RORA: variants seen among roughly 807,000 people sequenced by gnomAD.
The protein encoded by RORA is RAR related orphan receptor A, also known as nuclear receptor ROR-alpha.
RORA carries 7 observed loss-of-function variants against 69.5 expected under a neutral mutation model. The observed-to-expected ratio is 0.10, with a 90% CI of 0.06 to 0.19. The LOEUF (loss-of-function observed/expected upper bound fraction) is 0.19. Among genes scored for constraint, RORA ranks in the 10% least tolerant of loss-of-function variants. The pLI is 1.00. For missense variants in RORA, 457 were observed against 663.0 expected, an observed-to-expected ratio of 0.69 and a Z score of 3.41; for synonymous variants, 261 against 240.8, an observed-to-expected ratio of 1.08 and a Z score of -0.78.
chr15:60,676,944 G>A (rs2070562991), intron 2 of RORA, among the ~76,000 whole-genome samples: 1 of 152,202 alleles, frequency 6.6e-6, no homozygotes, highest in Admixed American at 6.5e-5. Context: ...TAGTTGGGAT[G>A]TACTCTTCAT....
chr15:60,507,969 T>C (rs898578632), intron 5 of RORA, among the ~76,000 whole-genome samples: 2 of 152,198 alleles, frequency 1.3e-5, no homozygotes, highest in Non-Finnish European at 2.9e-5. Flanking sequence ...AATCATGCAG[T>C]GTACCTGACA....
chr15:61,194,031 G>A (rs2079824922), intron 1 of RORA: 1 of 152,198 alleles, frequency 6.6e-6, no homozygotes, highest in Admixed American at 6.5e-5. Context: ...ACTCTCTCTT[G>A]CAGCAGGGCC....
intron 3 of RORA, among the ~76,000 whole-genome samples, chr15:60,515,976 TA>T (rs2065874351): frequency 2.1e-4 from 1 of 4,774 alleles, no homozygotes; most frequent in Non-Finnish European, 4.7e-4. Flanking sequence ...TATATATTTA[TA>T]TATTTATATA....
intron 3 of RORA, among the ~76,000 whole-genome samples, chr15:60,515,575 A>T (rs2065838369): frequency 6.6e-6 from 1 of 152,076 alleles, no homozygotes; most frequent in African/African-American, 2.4e-5. Context: ...GTTTATTCTT[A>T]GAGTGTCAAG....
In RORA at chr15:60,534,295, C is replaced by T. The variant is rs1315366875; in HGVS notation, c.197-2444G>A. 1.3e-5 allele frequency among the ~76,000 whole-genome samples: 2 copies of T among 151,978 alleles called. No individual in the cohort carries two copies. Among genetic ancestry groups the T allele is most frequent in the Admixed American group, 6.6e-5 (1 of 15,266 alleles). ...CCTGGCAGGGGTGAGGGTAGGGGTG[C>T]GGGTGGGGAGCAGTTGTAGTACAGA... On this transcript the variant is annotated intron_variant, in intron 2 of 10. Coordinates refer to ENST00000335670, the MANE Select transcript of RORA (RefSeq NM_134261.3). The surrounding 1 kb of genome is among the most constrained non-coding windows in gnomAD (Gnocchi z 5.0).
At chr15:60,901,078 C>T (rs1891378664) in intron 1 of RORA, among the ~76,000 whole-genome samples, 1 of 152,116 alleles carries the variant, frequency 6.6e-6, no homozygotes, top group Non-Finnish European at 1.5e-5. Flanking sequence ...AGAAGGCACA[C>T]AATAAATACT....
intron 1 of RORA, among the ~76,000 whole-genome samples, chr15:60,803,678 C>T (rs2072619348): frequency 6.6e-6 from 1 of 151,938 alleles, no homozygotes; most frequent in Non-Finnish European, 1.5e-5. Context: ...TAAAAGAATT[C>T]TAAGATCTTC....
intron 1 of RORA, among the ~76,000 whole-genome samples, chr15:60,917,035 G>T (rs1292388201): frequency 6.6e-6 from 1 of 152,176 alleles, no homozygotes; most frequent in East Asian, 1.9e-4. Context: ...CCTTGAAGAA[G>T]TATCCGGCTT....
chr15:61,042,295 A>G (rs1297136367), intron 1 of RORA, among the ~76,000 whole-genome samples: 1 of 152,190 alleles, frequency 6.6e-6, no homozygotes, highest in Admixed American at 6.5e-5. Flanking sequence ...AGGTGCTATC[A>G]ATAATTATCC....
chr15:60,816,516 A>G (rs1236323673), intron 1 of RORA, among the ~76,000 whole-genome samples: 1 of 47,474 alleles, frequency 2.1e-5, no homozygotes, highest in Non-Finnish European at 3.7e-5. Context: ...TAAACAGTAT[A>G]TGTATTTATA....
At chr15:61,027,049 A>C (rs1286023249) in intron 1 of RORA, among the ~76,000 whole-genome samples, 1 of 151,904 alleles carries the variant, frequency 6.6e-6, no homozygotes, top group Non-Finnish European at 1.5e-5. Flanking sequence ...CAGCTTCAAC[A>C]GCATTTATCA....
chr15:60,988,613 C>G (rs1350444496), intron 1 of RORA, among the ~76,000 whole-genome samples: 2 of 152,190 alleles, frequency 1.3e-5, no homozygotes, highest in African/African-American at 4.8e-5. Flanking sequence ...AATTACGACT[C>G]GCTGCTTCCT....
chr15:60,639,795 A>C (rs368208922), intron 2 of RORA, among the ~76,000 whole-genome samples: 216 of 152,336 alleles, frequency 1.4e-3, no homozygotes, highest in African/African-American at 5.0e-3. Flanking sequence ...AGGTGGTAGA[A>C]GAGTAATGAG....
chr15:61,208,619 T>C (rs1417286796), intron 1 of RORA, among the ~76,000 whole-genome samples: 1 of 152,218 alleles, frequency 6.6e-6, no homozygotes, highest in Non-Finnish European at 1.5e-5. Context: ...TGGTGGTTCC[T>C]TTAAAAATCA....
At chr15:61,171,123 C>A (rs776279451) in intron 1 of RORA, among the ~76,000 whole-genome samples, 1 of 152,186 alleles carries the variant, frequency 6.6e-6, no homozygotes, top group Non-Finnish European at 1.5e-5. Flanking sequence ...GACATGCTGG[C>A]TCATACTCAC....
At chr15:60,967,817 C>A (rs1478300621) in intron 1 of RORA, among the ~76,000 whole-genome samples, 1 of 152,156 alleles carries the variant, frequency 6.6e-6, no homozygotes, top group Non-Finnish European at 1.5e-5. Context: ...GAAAGCCCAG[C>A]CGCTCACAGG....
intron 1 of RORA, among the ~76,000 whole-genome samples, chr15:61,206,397 C>A (rs528485713): frequency 6.6e-6 from 1 of 152,272 alleles, no homozygotes; most frequent in South Asian, 2.1e-4. Context: ...AAAACAATAG[C>A]TGAGGACTTG....
At chr15:60,866,376 T>C (rs895106546) in intron 1 of RORA, among the ~76,000 whole-genome samples, 1 of 152,252 alleles carries the variant, frequency 6.6e-6, no homozygotes, top group African/African-American at 2.4e-5. Flanking sequence ...ACAAGACATA[T>C]ATATTTGGTC....
intron 1 of RORA, among the ~76,000 whole-genome samples, chr15:61,101,948 C>T (rs146827798): frequency 8.6e-4 from 131 of 152,100 alleles, no homozygotes; most frequent in African/African-American, 2.9e-3. Flanking sequence ...TGTGTGTGCT[C>T]GGAGCTAACC....
Sources: allele counts gnomAD v4.1 joint callset (sites outside exome capture counted in the v4.1 genomes callset), GRCh38; gene constraint gnomAD v4.1.1; non-coding constraint Gnocchi (gnomAD v3.1); transcripts MANE v1.5; gene names NCBI Gene and HGNC (gene_info 2026-07-23, HGNC 2026-07-21).